The following PBRM1 variants were observed in gnomAD, a reference collection of about 807,000 sequenced individuals.
PBRM1 encodes the protein protein polybromo-1.
A neutral mutation model predicts 194.5 loss-of-function variants in PBRM1; 27 were observed. The observed-to-expected ratio is 0.14, with a 90% CI of 0.10 to 0.19. PBRM1 has a LOEUF of 0.19. PBRM1 is among the 10% of genes least tolerant of loss of function. PBRM1 has a pLI of 1.00. For missense variants in PBRM1, 1,466 were observed against 2,077.2 expected (o/e 0.71, Z 5.72); for synonymous variants, 655 against 693.2 (o/e 0.94, Z 0.87).
In PBRM1 at chr3:52,643,234, ACT is replaced by A. The variant is rs748120018; in HGVS notation, c.995+12_995+13del. Reference sequence around the variant, plus strand: ...GCACAGGTCAACTCTCAGACTAAACACTCTTTTTCTCACCGGTAATACTTGCT... The same window carrying A: ...GCACAGGTCAACTCTCAGACTAAACACTTTTTCTCACCGGTAATACTTGCT... On this transcript the variant is annotated intron_variant, in intron 9 of 29. Transcript: ENST00000296302. 6.4e-7 allele frequency: 1 copy of A among 1,570,686 alleles called. No homozygotes were observed. Among genetic ancestry groups the A allele is most frequent in the Admixed American group, 1.7e-5 (1 of 59,942 alleles).
At chr3:52,565,957 G>C (rs550702054) in intron 22 of PBRM1, among the ~76,000 whole-genome samples, 3 of 152,092 alleles carry the variant, frequency 2.0e-5, no homozygotes, top group Admixed American at 6.6e-5. Context: ...GGCTGAGGCA[G>C]GAGAATGGCC....
intron 20 of PBRM1, among the ~76,000 whole-genome samples, chr3:52,580,110 T>C (rs138081163): frequency 6.6e-6 from 1 of 152,184 alleles, no homozygotes; most frequent in Non-Finnish European, 1.5e-5. Context: ...TTTGGTGACA[T>C]GCGCCTGTAT....
intron 16 of PBRM1, chr3:52,608,986 C>T (rs2094484712): frequency 4.3e-6 from 1 of 232,562 alleles, no homozygotes; most frequent in Non-Finnish European, 8.5e-6. Context: ...AAGAAAAACG[C>T]TGTTACTATT....
intron 10 of PBRM1, among the ~76,000 whole-genome samples, chr3:52,639,320 G>A (rs895845427): frequency 4.6e-5 from 7 of 151,942 alleles, no homozygotes; most frequent in African/African-American, 1.2e-4. Context: ...TCTCCTCCCC[G>A]CCAATATTGT....
chr3:52,587,315 G>T, intron 19 of PBRM1, 38 bp downstream of exon 21: 2 of 1,424,866 alleles, frequency 1.4e-6, no homozygotes, highest in South Asian at 2.5e-5. Context: ...TTATTCCTAG[G>T]GAATGAGTGA....
At chr3:52,546,844 T>G (rs1463135156), downstream of PBRM1, 1 of 233,114 alleles carries the variant, frequency 4.3e-6, no homozygotes, top group Non-Finnish European at 8.5e-6. Context: ...TATGATTCCC[T>G]TCTCCTGTAA....
intron 13 of PBRM1, among the ~76,000 whole-genome samples, chr3:52,621,024 T>A (rs1325365468): frequency 6.6e-6 from 1 of 152,212 alleles, no homozygotes; most frequent in Non-Finnish European, 1.5e-5. Flanking sequence ...TAATAATAAC[T>A]GTATTAGGTT....
At chr3:52,573,674 C>CTT (rs2088313249) in intron 22 of PBRM1, among the ~76,000 whole-genome samples, 1 of 152,136 alleles carries the variant, frequency 6.6e-6, no homozygotes, top group Non-Finnish European at 1.5e-5. Flanking sequence ...GAGTAGTGAG[C>CTT]TCTAAGGGCC....
chr3:52,636,361 A>G (rs2095811206), intron 10 of PBRM1, among the ~76,000 whole-genome samples: 1 of 152,152 alleles, frequency 6.6e-6, no homozygotes, highest in Admixed American at 6.6e-5. Flanking sequence ...TCATTTCCCC[A>G]AACTCCTAAA....
intron 22 of PBRM1, among the ~76,000 whole-genome samples, chr3:52,571,197 C>T (rs2087020807): frequency 6.6e-6 from 1 of 152,016 alleles, no homozygotes; most frequent in South Asian, 2.1e-4. Context: ...GTGGCACACG[C>T]CTGTGGTCCC....
intron 22 of PBRM1, among the ~76,000 whole-genome samples, chr3:52,565,827 G>A (rs1308376033): frequency 6.6e-6 from 1 of 152,060 alleles, no homozygotes; most frequent in Non-Finnish European, 1.5e-5. Context: ...GAGGCGGGTG[G>A]ATCATGAGGT....
At chr3:52,582,281 C>CAA (rs1484986436) in intron 20 of PBRM1, among the ~76,000 whole-genome samples, 4 of 149,946 alleles carry the variant, frequency 2.7e-5, no homozygotes, top group Non-Finnish European at 5.9e-5. Context: ...CTGTCTTGGT[C>CAA]ATATAATATT....
At chr3:52,549,258 G>C (rs2080253393) in intron 29 of PBRM1, among the ~76,000 whole-genome samples, 1 of 152,112 alleles carries the variant, frequency 6.6e-6, no homozygotes, top group South Asian at 2.1e-4. Context: ...GACCTCAAGT[G>C]ATCTGCCCGC....
intron 7 of PBRM1, among the ~76,000 whole-genome samples, chr3:52,647,579 A>G (rs932481485): frequency 3.3e-5 from 5 of 151,094 alleles, no homozygotes; most frequent in African/African-American, 1.2e-4. Flanking sequence ...CTATCCAAAT[A>G]TCTATCAACT....
intron 27 of PBRM1, among the ~76,000 whole-genome samples, chr3:52,553,630 C>T (rs1217486706): frequency 1.3e-5 from 2 of 149,794 alleles, no homozygotes; most frequent in African/African-American, 2.5e-5. Flanking sequence ...GCTGGGACTA[C>T]AGGCACATGC....
chr3:52,624,325 G>A (rs990604108), intron 13 of PBRM1, among the ~76,000 whole-genome samples: 3 of 152,154 alleles, frequency 2.0e-5, no homozygotes, highest in Non-Finnish European at 4.4e-5. Flanking sequence ...AATGTCAGAC[G>A]GCAAATGTGA....
intron 2 of PBRM1, among the ~76,000 whole-genome samples, chr3:52,678,062 G>A (rs1427401546): frequency 6.6e-6 from 1 of 151,992 alleles, no homozygotes; most frequent in Non-Finnish European, 1.5e-5. Context: ...TTGTAGAGAT[G>A]GGTCTCACTA....
rs1207408700 is a variant in PBRM1 at position 52,582,588 on chromosome 3, A to G, written c.3388-3389T>C. ...CCACGCCAACCTCCTCAGCCTCCCAAAGTGCTGGGATTACAGGTGTGAGCC... is the reference window on the plus strand; with the variant it reads ...CCACGCCAACCTCCTCAGCCTCCCAGAGTGCTGGGATTACAGGTGTGAGCC... On this transcript the variant is annotated intron_variant, in intron 20 of 29. Transcript: ENST00000296302. Among the ~76,000 whole-genome samples the G allele has an allele frequency of 1.3e-4, 19 of 151,594 alleles. No homozygotes were observed. In the South Asian group the frequency reaches 3.8e-3, roughly 30 times the overall value.
At chr3:52,575,027 G>C (rs2088981834) in intron 22 of PBRM1, among the ~76,000 whole-genome samples, 1 of 152,020 alleles carries the variant, frequency 6.6e-6, no homozygotes, top group Non-Finnish European at 1.5e-5. Context: ...TCAGCCTCCT[G>C]AGTAGCTGGG....
Sources: gnomAD v4.1 joint callset for allele counts (sites outside exome capture counted in the v4.1 genomes callset) on GRCh38, gnomAD v4.1.1 for gene constraint, MANE v1.5 for transcripts, NCBI Gene and HGNC (gene_info 2026-07-23, HGNC 2026-07-21) for gene names.